Variants in RBKS observed in about 807,000 individuals in gnomAD.
The protein encoded by RBKS is ribokinase.
RBKS carries 33 observed loss-of-function variants against 33.9 expected under a neutral mutation model. That is an observed-to-expected ratio of 0.97 (90% CI 0.74 to 1.30). RBKS has a LOEUF of 1.30. RBKS is among the 50% of genes most tolerant of loss of function. The pLI, the probability that RBKS is intolerant of heterozygous loss-of-function variation, is 0.00. For synonymous variants in RBKS, 125 were observed against 143.0 expected, an observed-to-expected ratio of 0.87 and a Z score of 0.90; for missense variants, 361 against 392.6, an observed-to-expected ratio of 0.92 and a Z score of 0.68.
chr2:27,869,339 T>C (rs138518992), intron 1 of RBKS, among the ~76,000 whole-genome samples: 80 of 152,338 alleles, frequency 5.3e-4, no homozygotes, highest in African/African-American at 1.9e-3. Context: ...ATTAAGTGAA[T>C]GGACACTATG....
rs1366732287 is a variant in RBKS at position 27,849,581 on chromosome 2, A to G, written c.223-1484T>C. On this transcript the variant is annotated intron_variant, in intron 2 of 7. Coordinates refer to ENST00000302188, the MANE Select transcript of RBKS (RefSeq NM_022128.3). ...TCTCAAAAAAAAAAAAAAAAAAAAA[A>G]AAAAAGAAAAAGAAAAAAAGAAAAA... 1.5e-4 allele frequency among the ~76,000 whole-genome samples: 20 copies of G among 133,278 alleles called. No individual in the cohort carries two copies. In the South Asian group the frequency reaches 4.6e-3, roughly 31 times the overall value. 87.4% of individuals were successfully genotyped at this position (133,278 alleles called of 152,430 possible). A position where few individuals can be genotyped will look rare whatever the true frequency, so the allele number is the denominator to read the frequency against.
At chr2:27,849,395 T>G (rs1663688205) in intron 2 of RBKS, among the ~76,000 whole-genome samples, 1 of 150,968 alleles carries the variant, frequency 6.6e-6, no homozygotes. Flanking sequence ...AAACCCCATC[T>G]CTACTGAAAA....
intron 7 of RBKS, chr2:27,782,812 T>A (rs993820950): frequency 3.6e-6 from 1 of 277,180 alleles, no homozygotes; most frequent in East Asian, 8.0e-5. Flanking sequence ...GCATTACATG[T>A]ATTCCACTCT....
Position 27,847,073 on chromosome 2 carries a change from T to C in RBKS, c.318A>G (p.Thr106=), listed in dbSNP as rs968495975. 2 of 1,606,856 alleles carry C rather than the reference T, an allele frequency of 1.2e-6. No homozygotes were observed. The highest frequency in any genetic ancestry group is 1.7e-6 in the Non-Finnish European group (2 of 1,173,822). ...EFTYQTKDAA[T]GTASIIVNNE... ...TATTGACAATTATAGAAGCAGTTCCTGTAGCAGCATCTTTAGTCTGATATG... is the reference window on the plus strand; with the variant it reads ...TATTGACAATTATAGAAGCAGTTCCCGTAGCAGCATCTTTAGTCTGATATG... The change falls in exon 4 of 8, where the codon ACA becomes ACG. Residue 106 remains threonine, a synonymous_variant. Transcript: ENST00000302188.
intron 7 of RBKS, among the ~76,000 whole-genome samples, chr2:27,823,700 A>C (rs1488500122): frequency 6.6e-6 from 1 of 152,200 alleles, no homozygotes; most frequent in Non-Finnish European, 1.5e-5. Flanking sequence ...AAGACAGCAT[A>C]AAAAAGATGA....
chr2:27,836,449 A>G (rs1334316873), intron 5 of RBKS, among the ~76,000 whole-genome samples: 1 of 152,198 alleles, frequency 6.6e-6, no homozygotes, highest in African/African-American at 2.4e-5. Flanking sequence ...CCATATGCAG[A>G]AGAATGAAAC....
At chr2:27,839,867 C>T (rs1249233338) in intron 5 of RBKS, among the ~76,000 whole-genome samples, 1 of 151,934 alleles carries the variant, frequency 6.6e-6, no homozygotes, top group African/African-American at 2.4e-5. Flanking sequence ...AGCTGTCAGC[C>T]CAATTCTGGT....
In RBKS at chr2:27,818,889, G is replaced by T. The variant is rs893653021; in HGVS notation, c.795+8678C>A. Reference sequence around the variant, plus strand: ...CACCGCTAGTTAATGGCTAAATCAGGGTTAGAACTCAGGCCACTGGGACTG... The same window carrying T: ...CACCGCTAGTTAATGGCTAAATCAGTGTTAGAACTCAGGCCACTGGGACTG... On this transcript the variant is annotated intron_variant, in intron 7 of 7. Transcript: ENST00000302188. 3.3e-5 allele frequency among the ~76,000 whole-genome samples: 5 copies of T among 152,092 alleles called. No individual in the cohort carries two copies. The East Asian group carries it at 9.6e-4, about 29-fold the overall frequency.
At chr2:27,796,197 G>A (rs1377119356) in intron 7 of RBKS, among the ~76,000 whole-genome samples, 2 of 151,538 alleles carry the variant, frequency 1.3e-5, no homozygotes, top group Non-Finnish European at 2.9e-5. Flanking sequence ...TCACATCTTC[G>A]GTATAACTAT....
intron 7 of RBKS, among the ~76,000 whole-genome samples, chr2:27,817,144 G>C (rs1387431856): frequency 6.6e-6 from 1 of 152,166 alleles, no homozygotes; most frequent in Non-Finnish European, 1.5e-5. Context: ...TTTGCAGAGG[G>C]CCTGTTATTA....
intron 5 of RBKS, 117 bp downstream of exon 5, chr2:27,842,950 G>A (rs1663541214): frequency 1.4e-6 from 1 of 736,228 alleles, no homozygotes; most frequent in Non-Finnish European, 2.0e-6. Flanking sequence ...TCTCACAGAT[G>A]GAAGAAAGAA....
At chr2:27,887,368 C>T (rs1378157881) in intron 1 of RBKS, among the ~76,000 whole-genome samples, 1 of 152,184 alleles carries the variant, frequency 6.6e-6, no homozygotes, top group African/African-American at 2.4e-5. Flanking sequence ...CCAGTGAGAC[C>T]TGTATCAGAC....
At chr2:27,801,676 G>T (rs1179018063) in intron 7 of RBKS, among the ~76,000 whole-genome samples, 1 of 151,992 alleles carries the variant, frequency 6.6e-6, no homozygotes, top group Non-Finnish European at 1.5e-5. Context: ...AAAGAAAAGA[G>T]ATTTAACTGG....
At chr2:27,807,787 G>T (rs1484197690) in intron 7 of RBKS, among the ~76,000 whole-genome samples, 1 of 152,040 alleles carries the variant, frequency 6.6e-6, no homozygotes, top group Admixed American at 6.5e-5. Flanking sequence ...ATTTAATTTT[G>T]GATGCCAGAA....
intron 7 of RBKS, among the ~76,000 whole-genome samples, chr2:27,806,819 G>A (rs988712373): frequency 6.6e-6 from 1 of 152,154 alleles, no homozygotes; most frequent in South Asian, 2.1e-4. Context: ...TTAAAACACC[G>A]ACTGCTGGGC....
chr2:27,868,132 T>C (rs1664135507), intron 1 of RBKS, among the ~76,000 whole-genome samples: 1 of 152,226 alleles, frequency 6.6e-6, no homozygotes, highest in Non-Finnish European at 1.5e-5. Context: ...CATCTGCTGG[T>C]GTAGTTTAAA....
Position 27,837,044 on chromosome 2 carries a change from A to G in RBKS, c.515-4267T>C, listed in dbSNP as rs12617110. 0.35 allele frequency among the ~76,000 whole-genome samples: 53,334 copies of G among 151,950 alleles called. 11,631 individuals carry two copies. The highest frequency in any genetic ancestry group is 0.63 in the East Asian group (3,255 of 5,166). On this transcript the variant is annotated intron_variant, in intron 5 of 7. Transcript: ENST00000302188. This position sits in a 1 kb window ranked among gnomAD's most constrained non-coding sequence, Gnocchi z 4.0. Reference sequence around the variant, plus strand: ...TCCCAGCACTTTGGGCGGCCGAGGCAGGCAGATCACGAGGATCGGGAGATT... The same window carrying G: ...TCCCAGCACTTTGGGCGGCCGAGGCGGGCAGATCACGAGGATCGGGAGATT...
chr2:27,881,171 C>G (rs1453281340), intron 1 of RBKS, among the ~76,000 whole-genome samples: 2 of 151,998 alleles, frequency 1.3e-5, no homozygotes, highest in East Asian at 3.9e-4. Context: ...ATTGCTGGAG[C>G]CTGGAAGTTG....
At chr2:27,822,969 TA>T (rs1678240248) in intron 7 of RBKS, among the ~76,000 whole-genome samples, 1 of 152,218 alleles carries the variant, frequency 6.6e-6, no homozygotes, top group Admixed American at 6.5e-5. Flanking sequence ...TTTCAGTGCT[TA>T]TAAAGCAGGG....
Sources: gnomAD v4.1 joint callset for allele counts (sites outside exome capture counted in the v4.1 genomes callset) on GRCh38, gnomAD v4.1.1 for gene constraint, Gnocchi (gnomAD v3.1) non-coding constraint, MANE v1.5 for transcripts, NCBI Gene and HGNC (gene_info 2026-07-23, HGNC 2026-07-21) for gene names.